SPOPL: variants seen among roughly 807,000 people sequenced by gnomAD.
SPOPL encodes the protein speckle type BTB/POZ protein like.
In SPOPL, 23 loss-of-function variants were observed where a neutral mutation model predicts 53.8. That is an observed-to-expected ratio of 0.43 (90% CI 0.31 to 0.61). The LOEUF is 0.61. Ranked by LOEUF, SPOPL falls within the 20% of genes least tolerant of loss-of-function variation. SPOPL has a pLI of 0.12. For synonymous variants in SPOPL, 164 were observed against 149.7 expected, an observed-to-expected ratio of 1.10 and a Z score of -0.70; for missense variants, 442 against 466.9, an observed-to-expected ratio of 0.95 and a Z score of 0.49.
chr2:138,532,102 A>C (rs771134452), intron 1 of SPOPL, among the ~76,000 whole-genome samples: 1 of 152,190 alleles, frequency 6.6e-6, no homozygotes, highest in Non-Finnish European at 1.5e-5. Flanking sequence ...GGCAAATCTC[A>C]ACTCTAATCC....
intron 1 of SPOPL, among the ~76,000 whole-genome samples, chr2:138,502,902 T>C (rs1684136891): frequency 6.6e-6 from 1 of 152,234 alleles, no homozygotes; most frequent in Non-Finnish European, 1.5e-5. Context: ...ATTCACCATC[T>C]GCTTATCCTA....
intron 1 of SPOPL, among the ~76,000 whole-genome samples, chr2:138,528,119 A>G (rs1350274884): frequency 2.0e-5 from 3 of 152,344 alleles, no homozygotes; most frequent in Admixed American, 6.5e-5. Context: ...CACAAGAGAC[A>G]TACCCAGACA....
At chr2:138,556,363 GAGAC>G (rs201165574) in intron 5 of SPOPL, among the ~76,000 whole-genome samples, 2 of 152,014 alleles carry the variant, frequency 1.3e-5, no homozygotes, top group East Asian at 3.9e-4. Flanking sequence ...TTGAATTTAA[GAGAC>G]AGTGAGTAGA....
chr2:138,556,622 T>C (rs1450399556), intron 5 of SPOPL, among the ~76,000 whole-genome samples: 3 of 152,144 alleles, frequency 2.0e-5, no homozygotes, highest in Non-Finnish European at 4.4e-5. Flanking sequence ...ACAGGGCAGT[T>C]GGGTAAGGAT....
intron 1 of SPOPL, among the ~76,000 whole-genome samples, chr2:138,514,788 A>G (rs1684404727): frequency 6.6e-6 from 1 of 152,156 alleles, no homozygotes; most frequent in Admixed American, 6.5e-5. Flanking sequence ...AGTGATTTCC[A>G]AAGTTGTTGT....
intron 1 of SPOPL, among the ~76,000 whole-genome samples, chr2:138,509,649 G>T (rs1684287521): frequency 6.6e-6 from 1 of 152,110 alleles, no homozygotes. Flanking sequence ...AAGTTGAGCA[G>T]AATCTACAAA....
At chr2:138,546,522 G>GTCTTTGT (rs1455789692) in intron 1 of SPOPL, among the ~76,000 whole-genome samples, 2 of 152,138 alleles carry the variant, frequency 1.3e-5, no homozygotes, top group Non-Finnish European at 2.9e-5. Flanking sequence ...GGAGATCTTT[G>GTCTTTGT]TCTTTGTTCT....
At chr2:138,521,150 T>C (rs1338683179) in intron 1 of SPOPL, among the ~76,000 whole-genome samples, 1 of 152,212 alleles carries the variant, frequency 6.6e-6, no homozygotes, top group Non-Finnish European at 1.5e-5. Flanking sequence ...AAGAAGGTAA[T>C]TGCAGTGTGA....
rs112228219 is a variant in SPOPL at position 138,566,241 on chromosome 2, A to G, written c.1034+1248A>G. 5.1e-3 allele frequency among the ~76,000 whole-genome samples: 772 copies of G among 150,246 alleles called. 2 individuals are homozygous for G. Among genetic ancestry groups the G allele is most frequent in the South Asian group, 0.016 (77 of 4,822 alleles). Reference sequence around the variant, plus strand: ...GGTCAGTGTATGCTAATATGATATCATTATGGCATTTGATCCTAGAGAAAA... The same window carrying G: ...GGTCAGTGTATGCTAATATGATATCGTTATGGCATTTGATCCTAGAGAAAA... On this transcript the variant is annotated intron_variant, in intron 10 of 10. Coordinates refer to ENST00000280098, the MANE Select transcript of SPOPL (RefSeq NM_001001664.3).
intron 1 of SPOPL, among the ~76,000 whole-genome samples, chr2:138,504,299 C>G (rs987655726): frequency 1.3e-5 from 2 of 152,198 alleles, no homozygotes; most frequent in Admixed American, 6.5e-5. Flanking sequence ...TTTGCTCTTT[C>G]TCCTGTATAT....
chr2:138,529,536 T>TGCGCGCG (rs72375808), intron 1 of SPOPL, among the ~76,000 whole-genome samples: 3,064 of 97,594 alleles, frequency 0.031, 52 homozygotes, highest in African/African-American at 0.035. Flanking sequence ...GTGTGTGTGT[T>TGCGCGCG]TGCGTGCGCG....
intron 10 of SPOPL, among the ~76,000 whole-genome samples, chr2:138,567,403 G>GTT (rs1265706102): frequency 6.7e-6 from 1 of 149,540 alleles, no homozygotes; most frequent in African/African-American, 2.5e-5. Context: ...GTGTGTGTGT[G>GTT]TGTGTGTGTG....
intron 1 of SPOPL, among the ~76,000 whole-genome samples, chr2:138,527,951 A>G (rs536776705): frequency 6.6e-6 from 1 of 152,306 alleles, no homozygotes; most frequent in South Asian, 2.1e-4. Flanking sequence ...TGTCAAAGTA[A>G]GGAGGGCTTT....
In SPOPL at chr2:138,556,962, C is replaced by G. The variant is rs1467401275; in HGVS notation, c.481-2060C>G. 3.3e-5 allele frequency among the ~76,000 whole-genome samples: 5 copies of G among 152,088 alleles called. No individual in the cohort carries two copies. In the East Asian group the frequency reaches 9.6e-4, roughly 29 times the overall value. On this transcript the variant is annotated intron_variant, in intron 5 of 10. Transcript: ENST00000280098. ...ACGAGGTCAAGAGATCGAGACCATC[C>G]TGGCTAACACGGTGAAAACCCATCT...
At chr2:138,518,046 CAAAAAAAAAAA>C (rs61662616) in intron 1 of SPOPL, among the ~76,000 whole-genome samples, 1 of 67,804 alleles carries the variant, frequency 1.5e-5, no homozygotes, top group Non-Finnish European at 3.2e-5. Flanking sequence ...GAAACTGTCT[CAAAAAAAAAAA>C]AAAAAAAAGA....
At chr2:138,537,358 A>T (rs923916251) in intron 1 of SPOPL, among the ~76,000 whole-genome samples, 3 of 151,948 alleles carry the variant, frequency 2.0e-5, no homozygotes, top group African/African-American at 7.3e-5. Flanking sequence ...GGGATACATG[A>T]TTGGGGGCTG....
chr2:138,515,064 T>C (rs4954933), intron 1 of SPOPL, among the ~76,000 whole-genome samples: 74,777 of 152,130 alleles, frequency 0.49, 22,288 homozygotes, highest in Non-Finnish European at 0.67. Context: ...CTGGTCACCT[T>C]GCCAGTTGGT....
rs909559346 is a variant in SPOPL, at chr2:138,545,171, C to T, written c.-60-4986C>T. Among the ~76,000 whole-genome samples the T allele has an allele frequency of 3.3e-5, 5 of 152,134 alleles. No individual in the cohort carries two copies. In the East Asian group the frequency reaches 9.6e-4, roughly 29 times the overall value. On this transcript the variant is annotated intron_variant, in intron 1 of 10. Transcript: ENST00000280098. ...CTTCAGTCAGTCCTTCAGGGAATTG[C>T]CAGACTGGTCAAAGTACATTACAAT...
At chr2:138,564,568 TAA>T in intron 8 of SPOPL, 138 bp from the exon 9 acceptor site, 1 of 1,015,624 alleles carries the variant, frequency 9.8e-7, no homozygotes. Context: ...CGTATTAGGT[TAA>T]AACAGTAACT....
Sources: gnomAD v4.1 joint callset for allele counts (sites outside exome capture counted in the v4.1 genomes callset) on GRCh38, gnomAD v4.1.1 for gene constraint, MANE v1.5 for transcripts, NCBI Gene and HGNC (gene_info 2026-07-23, HGNC 2026-07-21) for gene names.